NCAM2: variants seen among roughly 807,000 people sequenced by gnomAD.
NCAM2 encodes neural cell adhesion molecule 2, also known as N-CAM-2.
Under a neutral mutation model 98.1 loss-of-function variants are expected in NCAM2, and 30 were observed. The observed-to-expected ratio is 0.31, with a 90% confidence interval of 0.23 to 0.41. NCAM2 has a LOEUF of 0.41. Ranked by LOEUF, NCAM2 falls within the 10% of genes least tolerant of loss-of-function variation. The pLI, the probability that NCAM2 is intolerant of heterozygous loss-of-function variation, is 1.00. For synonymous variants in NCAM2, 368 were observed against 342.4 expected, an observed-to-expected ratio of 1.07 and a Z score of -0.83; for missense variants, 867 against 1,005.8, an observed-to-expected ratio of 0.86 and a Z score of 1.87.
At chr21:21,128,748 G>C (rs1361933396) in intron 1 of NCAM2, among the ~76,000 whole-genome samples, 1 of 152,074 alleles carries the variant, frequency 6.6e-6, no homozygotes, top group African/African-American at 2.4e-5. Flanking sequence ...TATGTGAAGA[G>C]TTAAGAAATT....
At chr21:21,310,480 G>A (rs1165160068) in intron 5 of NCAM2, among the ~76,000 whole-genome samples, 1 of 152,078 alleles carries the variant, frequency 6.6e-6, no homozygotes, top group East Asian at 1.9e-4. Context: ...AGTAGAAACA[G>A]GCATTCCTTG....
At chr21:21,430,000 C>A (rs1333753856) in intron 11 of NCAM2, among the ~76,000 whole-genome samples, 3 of 151,970 alleles carry the variant, frequency 2.0e-5, no homozygotes, top group Admixed American at 2.0e-4. Flanking sequence ...GTACATTTGA[C>A]TTTTGACTGC....
intron 15 of NCAM2, among the ~76,000 whole-genome samples, chr21:21,488,180 A>C (rs1329410308): frequency 1.2e-4 from 19 of 152,130 alleles, no homozygotes; most frequent in Admixed American, 1.2e-3. Context: ...GACTTTTTAA[A>C]TATTCAAGTT....
intron 9 of NCAM2, among the ~76,000 whole-genome samples, chr21:21,403,450 G>A (rs2076673891): frequency 6.6e-6 from 1 of 152,058 alleles, no homozygotes; most frequent in Non-Finnish European, 1.5e-5. Flanking sequence ...GCTGCAGATG[G>A]AAAATCTTTA....
At chr21:21,125,714 T>TATATATAGAGAG (rs1555887746) in intron 1 of NCAM2, among the ~76,000 whole-genome samples, 4 of 134,404 alleles carry the variant, frequency 3.0e-5, no homozygotes, top group Middle Eastern at 4.4e-3. Context: ...TATATATATA[T>TATATATAGAGAG]AGAGAGAGAG....
intron 10 of NCAM2, among the ~76,000 whole-genome samples, chr21:21,417,558 T>G (rs1294865373): frequency 6.6e-6 from 1 of 152,080 alleles, no homozygotes; most frequent in African/African-American, 2.4e-5. Flanking sequence ...AGGCATATTC[T>G]CTCTTAATAA....
intron 1 of NCAM2, among the ~76,000 whole-genome samples, chr21:21,067,766 G>C (rs2065470610): frequency 1.3e-5 from 2 of 152,100 alleles, no homozygotes; most frequent in East Asian, 3.9e-4. Context: ...AAACTGGCAG[G>C]GCCAGATCTA....
intron 9 of NCAM2, among the ~76,000 whole-genome samples, chr21:21,377,174 G>A (rs115126468): frequency 3.7e-4 from 56 of 151,454 alleles, no homozygotes; most frequent in African/African-American, 1.4e-3. Context: ...CTCTTGTTAA[G>A]ACATTATTCA....
At chr21:21,102,561 C>T (rs2066265323) in intron 1 of NCAM2, among the ~76,000 whole-genome samples, 1 of 151,986 alleles carries the variant, frequency 6.6e-6, no homozygotes, top group East Asian at 1.9e-4. Context: ...AGTCAAAAAT[C>T]AATGAAGTTC....
chr21:21,265,391 CACCAT>C (rs2072203910), intron 1 of NCAM2, among the ~76,000 whole-genome samples: 1 of 72 alleles, frequency 0.014, no homozygotes, highest in Non-Finnish European at 0.028. Flanking sequence ...TATATGTACA[CACCAT>C]ATATTATATA....
intron 1 of NCAM2, among the ~76,000 whole-genome samples, chr21:21,228,814 CTTTG>C (rs1053284694): frequency 2.0e-5 from 3 of 151,362 alleles, no homozygotes; most frequent in African/African-American, 7.3e-5. Context: ...ACTTTTAACA[CTTTG>C]TTTATTAAAT....
intron 1 of NCAM2, among the ~76,000 whole-genome samples, chr21:21,163,997 G>A (rs548133750): frequency 1.3e-5 from 2 of 152,014 alleles, no homozygotes; most frequent in Admixed American, 6.6e-5. Context: ...AATTAATAAC[G>A]ATTCCTGGAA....
At chr21:21,456,021 A>G (rs1203378862) in intron 12 of NCAM2, among the ~76,000 whole-genome samples, 1 of 152,040 alleles carries the variant, frequency 6.6e-6, no homozygotes, top group African/African-American at 2.4e-5. Context: ...AGAAACAAAA[A>G]CCTGCCTAGT....
At chr21:21,487,654 A>T (rs910396531) in intron 15 of NCAM2, among the ~76,000 whole-genome samples, 2 of 152,170 alleles carry the variant, frequency 1.3e-5, no homozygotes, top group African/African-American at 4.8e-5. Context: ...TTTAAAATAT[A>T]GATCTGGATA....
intron 12 of NCAM2, among the ~76,000 whole-genome samples, chr21:21,441,212 T>TAAAAAA (rs1366973343): frequency 1.3e-5 from 2 of 152,162 alleles, no homozygotes; most frequent in Admixed American, 1.3e-4. Context: ...TCTACAAAAC[T>TAAAAAA]AAAAGACAGT....
chr21:21,446,172 T>C (rs1039549873), intron 12 of NCAM2, among the ~76,000 whole-genome samples: 15 of 152,180 alleles, frequency 9.9e-5, no homozygotes, highest in Middle Eastern at 3.2e-3. Context: ...CAATCTCTTC[T>C]GGCTTGTAGC....
intron 15 of NCAM2, among the ~76,000 whole-genome samples, chr21:21,489,686 A>G (rs906562779): frequency 4.6e-5 from 7 of 152,166 alleles, no homozygotes; most frequent in African/African-American, 1.7e-4. Context: ...TAAAATGATT[A>G]CAACTTATGT....
At chr21:21,259,495 TA>T (rs1356115305) in intron 1 of NCAM2, among the ~76,000 whole-genome samples, 1 of 151,344 alleles carries the variant, frequency 6.6e-6, no homozygotes, top group African/African-American at 2.4e-5. Context: ...AATTTCCCTC[TA>T]AACCCCACCC....
intron 9 of NCAM2, among the ~76,000 whole-genome samples, chr21:21,386,049 T>A (rs2076264852): frequency 6.6e-6 from 1 of 152,114 alleles, no homozygotes; most frequent in Admixed American, 6.6e-5. Context: ...AAGGTTATGG[T>A]TACATTAAAT....
Sources: allele counts gnomAD v4.1 joint callset (sites outside exome capture counted in the v4.1 genomes callset), GRCh38; gene constraint gnomAD v4.1.1; transcripts MANE v1.5; gene names NCBI Gene and HGNC (gene_info 2026-07-23, HGNC 2026-07-21).